Variants in RNFT2 observed in about 807,000 individuals in gnomAD.
RNFT2 encodes the protein E3 ubiquitin-protein ligase RNFT2.
A neutral mutation model predicts 53.0 loss-of-function variants in RNFT2; 36 were observed. The observed-to-expected ratio is 0.68, with a 90% CI of 0.52 to 0.90. RNFT2 has a LOEUF of 0.90. Among genes scored for constraint, RNFT2 ranks in the 40% least tolerant of loss-of-function variants. The probability of loss-of-function intolerance (pLI) is 0.00; values close to 1 mark genes in which losing one functional copy is unlikely to be tolerated. For synonymous variants in RNFT2, 260 were observed against 253.2 expected (o/e 1.03, Z -0.26); for missense variants, 514 against 585.6 (o/e 0.88, Z 1.26).
chr12:116,852,593 G>T lies in RNFT2; in HGVS notation c.*3145G>T. 7 of 1,613,400 alleles carry T rather than the reference G, an allele frequency of 4.3e-6. No individual in the cohort carries two copies. The highest frequency in any genetic ancestry group is 5.9e-6 in the Non-Finnish European group (7 of 1,179,528). On this transcript the variant is annotated 3_prime_UTR_variant, in exon 11 of 11. Transcript: ENST00000257575. ...TCCCTACCCTGAGGAAAAACCAAAGGGAAGCAACAGGAACTTCTGCAACTG... is the reference window on the plus strand; with the variant it reads ...TCCCTACCCTGAGGAAAAACCAAAGTGAAGCAACAGGAACTTCTGCAACTG...
chr12:116,757,107 G>C (rs1285364267), intron 5 of RNFT2, among the ~76,000 whole-genome samples: 1 of 152,028 alleles, frequency 6.6e-6, no homozygotes, highest in Non-Finnish European at 1.5e-5. Flanking sequence ...TCTAGTTTTT[G>C]TGCATAAAGG....
At chr12:116,826,918 A>G (rs1876367007) in intron 7 of RNFT2, among the ~76,000 whole-genome samples, 1 of 152,136 alleles carries the variant, frequency 6.6e-6, no homozygotes, top group Admixed American at 6.5e-5. Flanking sequence ...ATTGTGAAAA[A>G]TGCTTTGAAG....
At chr12:116,779,069 A>T in intron 6 of RNFT2, 126 bp from the exon 7 acceptor site, 1 of 980,516 alleles carries the variant, frequency 1.0e-6, no homozygotes, top group South Asian at 1.6e-5. Flanking sequence ...AAAAGGACAC[A>T]GACGTCTGAC....
chr12:116,778,756 G>A (rs914310986), intron 6 of RNFT2, among the ~76,000 whole-genome samples: 7 of 152,156 alleles, frequency 4.6e-5, no homozygotes, highest in East Asian at 1.9e-4. Context: ...AAGCTGAGGC[G>A]GGAAAATCAC....
At position 116,853,169 on chromosome 12, in the gene RNFT2, C is replaced by A. The variant is rs1878008838; in HGVS notation, c.*3721C>A. On this transcript the variant is annotated 3_prime_UTR_variant, in exon 11 of 11. Transcript: ENST00000257575. The stretch of plus-strand genomic sequence containing the variant: ...CACAGGCTACATGAATTCCCCTATA[C>A]CAGTGCGAAAGCAGCCAGGAGTCCC... The A allele has an allele frequency of 2.5e-6, 1 of 402,174 alleles. No homozygotes were observed. The highest frequency in any genetic ancestry group is 4.4e-6 in the Non-Finnish European group (1 of 228,310). 24.9% of individuals were successfully genotyped at this position (402,174 alleles called of 1,614,324 possible).
chr12:116,839,994 G>A (rs968252159), intron 10 of RNFT2, among the ~76,000 whole-genome samples: 1 of 152,190 alleles, frequency 6.6e-6, no homozygotes, highest in Non-Finnish European at 1.5e-5. Flanking sequence ...CACTCTGCAA[G>A]TATTTATGGT....
At chr12:116,749,355 A>G (rs1043130692) in intron 3 of RNFT2, among the ~76,000 whole-genome samples, 28 of 140,132 alleles carry the variant, frequency 2.0e-4, no homozygotes, top group African/African-American at 7.1e-4. Flanking sequence ...TTGGCTCACT[A>G]CAGCCTCAAC....
intron 5 of RNFT2, among the ~76,000 whole-genome samples, chr12:116,762,356 G>A (rs960875364): frequency 6.6e-6 from 1 of 151,398 alleles, no homozygotes; most frequent in African/African-American, 2.4e-5. Flanking sequence ...CACCAGCCTG[G>A]GTTGAGATGG....
chr12:116,849,652 T>C lies in RNFT2; in HGVS notation c.*204T>C. On this transcript the variant is annotated 3_prime_UTR_variant, in exon 11 of 11. Coordinates refer to ENST00000257575, the MANE Select transcript of RNFT2 (RefSeq NM_001382266.1). ...GTTCTGTGGTATAGTGCGTGCCTCC[T>C]TCCCCTGCAAAAGGGGACGTCTTCC... 1 of 1,282,678 alleles carries C rather than the reference T, an allele frequency of 7.8e-7. No homozygotes were observed. Among genetic ancestry groups the C allele is most frequent in the Non-Finnish European group, 9.9e-7 (1 of 1,012,762 alleles). The allele number at this position is 1,282,678 out of a possible 1,614,324, so 79.5% of individuals were successfully genotyped here. A position where few individuals can be genotyped will look rare whatever the true frequency, so the allele number is the denominator to read the frequency against.
chr12:116,795,420 AAAAG>A (rs1192482410), intron 7 of RNFT2, among the ~76,000 whole-genome samples: 3 of 151,938 alleles, frequency 2.0e-5, no homozygotes, highest in East Asian at 1.9e-4. Flanking sequence ...GAAAAAAAAA[AAAAG>A]AAAGAAGAAA....
chr12:116,833,477 G>A (rs755746609), intron 7 of RNFT2, among the ~76,000 whole-genome samples: 55 of 152,306 alleles, frequency 3.6e-4, no homozygotes, highest in Non-Finnish European at 6.3e-4. Flanking sequence ...AAGCCACAGC[G>A]AGACCCAGAG....
chr12:116,840,777 T>C (rs1418916501), intron 10 of RNFT2, among the ~76,000 whole-genome samples: 1 of 152,206 alleles, frequency 6.6e-6, no homozygotes, highest in African/African-American at 2.4e-5. Flanking sequence ...TTAAGAGTCA[T>C]ATGAGATGAT....
Position 116,766,822 on chromosome 12 carries a change from G to T in RNFT2, c.636G>T (p.Arg212Ser). 6.3e-7 allele frequency: 1 copy of T among 1,591,976 alleles called. No homozygotes were observed. The highest frequency in any genetic ancestry group is 8.6e-7 in the Non-Finnish European group (1 of 1,168,456). ...LREQVSLKEK[R>S]SVLVILWILA... Reference sequence around the variant, plus strand: ...TCTTGCTTTGTCTTCAGGAGAAGAGGTCAGTGCTGGTCATCTTGTGGATCC... The same window carrying T: ...TCTTGCTTTGTCTTCAGGAGAAGAGTTCAGTGCTGGTCATCTTGTGGATCC... The change falls in exon 6 of 11, where the codon AGG becomes AGT. Residue 212 changes from arginine (R) to serine (S), a missense_variant. Coordinates refer to ENST00000257575, the MANE Select transcript of RNFT2 (RefSeq NM_001382266.1).
intron 10 of RNFT2, among the ~76,000 whole-genome samples, chr12:116,843,357 A>G (rs1186940880): frequency 6.6e-6 from 1 of 151,694 alleles, no homozygotes; most frequent in Non-Finnish European, 1.5e-5. Context: ...GCTGGGTGCC[A>G]TGGTGCCTGC....
intron 10 of RNFT2, among the ~76,000 whole-genome samples, chr12:116,842,282 G>A (rs1341412129): frequency 6.6e-6 from 1 of 152,006 alleles, no homozygotes; most frequent in African/African-American, 2.4e-5. Context: ...CTCCTTGTTG[G>A]AAGCAGGTCA....
At chr12:116,784,220 CA>C (rs1424241289) in intron 7 of RNFT2, among the ~76,000 whole-genome samples, 2 of 152,228 alleles carry the variant, frequency 1.3e-5, no homozygotes, top group Admixed American at 1.3e-4. Context: ...GATGAGAGTA[CA>C]AAGCTAGACC....
At chr12:116,814,818 A>G (rs1288843670) in intron 7 of RNFT2, among the ~76,000 whole-genome samples, 1 of 152,046 alleles carries the variant, frequency 6.6e-6, no homozygotes, top group Non-Finnish European at 1.5e-5. Context: ...AGCTGGGATT[A>G]CAGGCATGCA....
chr12:116,750,165 G>C lies in RNFT2; in HGVS notation c.408G>C (p.Gly136=). 2 of 1,592,092 alleles carry C rather than the reference G, an allele frequency of 1.3e-6. No individual in the cohort carries two copies. Among genetic ancestry groups the C allele is most frequent in the Non-Finnish European group, 1.7e-6 (2 of 1,174,636 alleles). The change falls in exon 4 of 11, where the codon GGG becomes GGC. Residue 136 remains glycine, a synonymous_variant. Transcript: ENST00000257575. ...AGCACGTGGGTGGGGACCACCGGGG[G>C]CACTCGGAGGAGGGAGGCGACGAGC... ...LLQHVGGDHR[G]HSEEGGDEQP...
At chr12:116,846,528 C>G (rs1877624505) in intron 10 of RNFT2, among the ~76,000 whole-genome samples, 1 of 150,886 alleles carries the variant, frequency 6.6e-6, no homozygotes, top group South Asian at 2.1e-4. Context: ...GGCCTCGAGC[C>G]ATCCTCCTGC....
Sources: gnomAD v4.1 joint callset for allele counts (sites outside exome capture counted in the v4.1 genomes callset) on GRCh38, gnomAD v4.1.1 for gene constraint, MANE v1.5 for transcripts, NCBI Gene and HGNC (gene_info 2026-07-23, HGNC 2026-07-21) for gene names.